LAMA2: variants seen among roughly 807,000 people sequenced by gnomAD.
The protein encoded by LAMA2 is laminin subunit alpha-2.
LAMA2 carries 269 observed loss-of-function variants against 364.8 expected under a neutral mutation model. The observed-to-expected ratio is 0.74, with a 90% CI of 0.67 to 0.82. The LOEUF (loss-of-function observed/expected upper bound fraction) is 0.82. Ranked by LOEUF, LAMA2 falls within the 40% of genes least tolerant of loss-of-function variation. LAMA2 has a pLI of 0.00. For missense variants in LAMA2, 3,807 were observed against 3,873.2 expected (o/e 0.98, Z 0.45); for synonymous variants, 1,379 against 1,370.6 (o/e 1.01, Z -0.14).
chr6:129,223,339 T>C (rs1012871376), intron 12 of LAMA2, among the ~76,000 whole-genome samples: 6 of 152,196 alleles, frequency 3.9e-5, no homozygotes, highest in Non-Finnish European at 8.8e-5. Flanking sequence ...AGAAGCTCTT[T>C]AGTTTAATTA....
chr6:129,382,292 C>CT (rs1179286561), intron 34 of LAMA2, among the ~76,000 whole-genome samples: 3 of 152,208 alleles, frequency 2.0e-5, no homozygotes, highest in Non-Finnish European at 4.4e-5. Flanking sequence ...TCAGGGTACT[C>CT]TAAACCTTGT....
intron 12 of LAMA2, among the ~76,000 whole-genome samples, chr6:129,243,568 T>C (rs897209101): frequency 3.9e-5 from 6 of 151,960 alleles, no homozygotes; most frequent in Admixed American, 1.3e-4. Flanking sequence ...TCAGTGTTAG[T>C]TACACTTGAG....
chr6:129,166,419 A>G (rs1216381375), intron 9 of LAMA2, among the ~76,000 whole-genome samples: 2 of 152,156 alleles, frequency 1.3e-5, no homozygotes, highest in Non-Finnish European at 2.9e-5. Context: ...TTTTTCCCTA[A>G]TGACTTTAGC....
chr6:129,428,647 G>T lies in LAMA2; in HGVS notation c.5968+793G>T, dbSNP rs190555325. On this transcript the variant is annotated intron_variant, in intron 41 of 64. Coordinates refer to ENST00000421865, the MANE Select transcript of LAMA2 (RefSeq NM_000426.4). ...TTGAGTAGAGACAGGGTTTCACCAT[G>T]TTGACCAGGCTGGTCTTGAACTCCT... Among the ~76,000 whole-genome samples, 528 of 152,120 alleles carry T rather than the reference G, an allele frequency of 3.5e-3. 3 individuals are homozygous for T. The highest frequency in any genetic ancestry group is 0.012 in the African/African-American group (513 of 41,504).
intron 12 of LAMA2, among the ~76,000 whole-genome samples, chr6:129,240,531 T>G (rs1261688123): frequency 6.6e-6 from 1 of 152,172 alleles, no homozygotes; most frequent in Non-Finnish European, 1.5e-5. Flanking sequence ...TTTCCAAACC[T>G]TTTGTTCAGC....
chr6:129,461,242 A>G (rs1488340388), intron 49 of LAMA2, among the ~76,000 whole-genome samples: 4 of 152,020 alleles, frequency 2.6e-5, no homozygotes, highest in Non-Finnish European at 1.5e-5. Context: ...AAGGATATAC[A>G]TACGTTTCTA....
intron 1 of LAMA2, among the ~76,000 whole-genome samples, chr6:128,956,030 A>C (rs1358509988): frequency 1.3e-5 from 2 of 151,960 alleles, no homozygotes; most frequent in Non-Finnish European, 2.9e-5. Flanking sequence ...CATTATCATA[A>C]ATTTCGCTAC....
intron 29 of LAMA2, among the ~76,000 whole-genome samples, chr6:129,330,256 C>T (rs1405747491): frequency 6.6e-6 from 1 of 151,814 alleles, no homozygotes; most frequent in East Asian, 1.9e-4. Context: ...CAAAACCATC[C>T]CCCAATCCTA....
intron 1 of LAMA2, among the ~76,000 whole-genome samples, chr6:129,040,805 A>G (rs12209058): frequency 0.11 from 16,156 of 152,182 alleles, 884 homozygotes; most frequent in East Asian, 0.16. Context: ...CCAAGGCTTC[A>G]CTTGCAAAAA....
chr6:129,355,111 A>T (rs893300750), intron 32 of LAMA2, among the ~76,000 whole-genome samples: 3 of 152,170 alleles, frequency 2.0e-5, no homozygotes, highest in African/African-American at 7.2e-5. Flanking sequence ...CCAGAAAAAA[A>T]TATTAAATTA....
intron 30 of LAMA2, among the ~76,000 whole-genome samples, chr6:129,346,547 T>A (rs577096176): frequency 2.4e-4 from 37 of 151,986 alleles, no homozygotes; most frequent in Admixed American, 2.3e-3. Context: ...ATATGTGTCC[T>A]GTCCTGTATG....
chr6:128,955,957 CAAG>C (rs1447368080), intron 1 of LAMA2, among the ~76,000 whole-genome samples: 1 of 151,604 alleles, frequency 6.6e-6, no homozygotes, highest in African/African-American at 2.4e-5. Context: ...GTTCCTTGAG[CAAG>C]AAGAAAAAAT....
chr6:129,165,541 A>G (rs1186597550), intron 8 of LAMA2, 35 bp from the exon 9 acceptor site: 1 of 1,421,640 alleles, frequency 7.0e-7, no homozygotes, highest in Admixed American at 1.8e-5. Flanking sequence ...TGTTTCTATT[A>G]CACTTCGTTA....
At chr6:129,258,177 A>G (rs1436743979) in intron 14 of LAMA2, among the ~76,000 whole-genome samples, 1 of 152,062 alleles carries the variant, frequency 6.6e-6, no homozygotes, top group Non-Finnish European at 1.5e-5. Flanking sequence ...ATGCCAACAT[A>G]AGTACTGGCT....
At chr6:129,482,666 A>C (rs912661838) in intron 55 of LAMA2, among the ~76,000 whole-genome samples, 1 of 152,242 alleles carries the variant, frequency 6.6e-6, no homozygotes, top group African/African-American at 2.4e-5. Flanking sequence ...TTTCTAAAAA[A>C]TACAAAGCCC....
chr6:129,172,334 G>A (rs1343151145), intron 9 of LAMA2, among the ~76,000 whole-genome samples: 1 of 152,192 alleles, frequency 6.6e-6, no homozygotes, highest in African/African-American at 2.4e-5. Flanking sequence ...TGATGATGGT[G>A]ATGTACAGAT....
In LAMA2 at chr6:128,988,338, G is replaced by T. The variant is rs141147137; in HGVS notation, c.113-61580G>T. On this transcript the variant is annotated intron_variant, in intron 1 of 64. Coordinates refer to ENST00000421865, the MANE Select transcript of LAMA2 (RefSeq NM_000426.4). The stretch of plus-strand genomic sequence containing the variant: ...TCCTAATGCCAAACCAACACATGGG[G>T]TAAGAATAAGTGATGCTGGACTAAA... Among the ~76,000 whole-genome samples, 112 of 152,124 alleles carry T rather than the reference G, an allele frequency of 7.4e-4. No individual in the cohort carries two copies. The East Asian group carries it at 0.019, about 26-fold the overall frequency.
intron 49 of LAMA2, among the ~76,000 whole-genome samples, chr6:129,460,671 A>AT (rs200358695): frequency 7.9e-5 from 12 of 151,344 alleles, no homozygotes; most frequent in South Asian, 2.1e-4. Flanking sequence ...CATTGTTATA[A>AT]TTTTTTTTTC....
intron 58 of LAMA2, among the ~76,000 whole-genome samples, chr6:129,496,284 A>C (rs1785187503): frequency 6.6e-6 from 1 of 152,124 alleles, no homozygotes; most frequent in Non-Finnish European, 1.5e-5. Context: ...CTCCTGCTTC[A>C]GCCTCCCGAG....
Sources: gnomAD v4.1 joint callset for allele counts (sites outside exome capture counted in the v4.1 genomes callset) on GRCh38, gnomAD v4.1.1 for gene constraint, MANE v1.5 for transcripts, NCBI Gene and HGNC (gene_info 2026-07-23, HGNC 2026-07-21) for gene names.